Variants in DLG2 observed in about 807,000 individuals in gnomAD.
DLG2 encodes disks large homolog 2.
Under a neutral mutation model 132.5 loss-of-function variants are expected in DLG2, and 45 were observed. The observed-to-expected ratio is 0.34, with a 90% CI of 0.27 to 0.44. The LOEUF (loss-of-function observed/expected upper bound fraction) is 0.44, where lower values mean the gene tolerates loss of function less well. Ranked by LOEUF, DLG2 falls within the 20% of genes least tolerant of loss-of-function variation. The pLI is 1.00. For synonymous variants in DLG2, 424 were observed against 419.6 expected (o/e 1.01, Z -0.13); for missense variants, 1,045 against 1,196.9 (o/e 0.87, Z 1.87).
chr11:84,945,031 T>C (rs1239301868), intron 6 of DLG2, among the ~76,000 whole-genome samples: 2 of 152,236 alleles, frequency 1.3e-5, no homozygotes, highest in Non-Finnish European at 2.9e-5. Flanking sequence ...GTGGGATTAC[T>C]CTCTGGTACC....
chr11:85,373,593 T>G (rs2085160762), intron 3 of DLG2, among the ~76,000 whole-genome samples: 1 of 152,188 alleles, frequency 6.6e-6, no homozygotes, highest in Non-Finnish European at 1.5e-5. Flanking sequence ...TCACGACATT[T>G]GCTTCAGGGA....
At chr11:84,142,934 C>CAT (rs145689413) in intron 9 of DLG2, among the ~76,000 whole-genome samples, 3,232 of 150,952 alleles carry the variant, frequency 0.021, 111 homozygotes, top group African/African-American at 0.072. Context: ...TAAATCCCCT[C>CAT]ATATATATAT....
chr11:84,367,091 G>A (rs2098687103), intron 7 of DLG2, among the ~76,000 whole-genome samples: 4 of 152,046 alleles, frequency 2.6e-5, no homozygotes, highest in Admixed American at 2.6e-4. Flanking sequence ...AAATGTAAAA[G>A]AATAGAAATT....
chr11:84,413,879 G>T (rs1567570043), intron 7 of DLG2, among the ~76,000 whole-genome samples: 2 of 152,082 alleles, frequency 1.3e-5, no homozygotes. Flanking sequence ...GACTCCTCCA[G>T]GAGGAAACTA....
chr11:83,997,499 C>A (rs2094105583), intron 11 of DLG2, among the ~76,000 whole-genome samples: 1 of 151,912 alleles, frequency 6.6e-6, no homozygotes, highest in Non-Finnish European at 1.5e-5. Context: ...TTTTGGGAGG[C>A]TGAGGTAGGC....
At chr11:85,369,844 G>T (rs541268556) in intron 3 of DLG2, among the ~76,000 whole-genome samples, 1 of 152,318 alleles carries the variant, frequency 6.6e-6, no homozygotes, top group East Asian at 1.9e-4. Flanking sequence ...GATTCATGTG[G>T]CCTAAAGAAA....
intron 3 of DLG2, among the ~76,000 whole-genome samples, chr11:85,335,501 A>T (rs1054884650): frequency 2.0e-5 from 3 of 152,188 alleles, no homozygotes; most frequent in Admixed American, 1.3e-4. Context: ...ATTGCTTTAT[A>T]GTCTCAATGG....
chr11:83,627,483 G>A (rs139454721), intron 19 of DLG2, among the ~76,000 whole-genome samples: 1,645 of 152,108 alleles, frequency 0.011, 38 homozygotes, highest in African/African-American at 0.034. Context: ...CTGTCCTTGC[G>A]ACAGTTTGCT....
At chr11:85,066,115 A>T (rs534606431) in intron 6 of DLG2, among the ~76,000 whole-genome samples, 88 of 151,814 alleles carry the variant, frequency 5.8e-4, no homozygotes, top group African/African-American at 2.0e-3. Context: ...GATAAAGGTG[A>T]CATCACAACT....
chr11:84,820,057 T>G (rs751885341), intron 6 of DLG2, among the ~76,000 whole-genome samples: 7 of 150,400 alleles, frequency 4.7e-5, no homozygotes, highest in Non-Finnish European at 1.0e-4. Context: ...GGGCCTCTTC[T>G]CATTGTGGAT....
At chr11:85,437,035 C>T (rs191879592) in intron 3 of DLG2, among the ~76,000 whole-genome samples, 1 of 152,124 alleles carries the variant, frequency 6.6e-6, no homozygotes, top group Non-Finnish European at 1.5e-5. Flanking sequence ...TCATTCTCAG[C>T]AAACTAACAC....
rs115378704 is a variant in DLG2 at position 84,901,867 on chromosome 11, A to G, written c.357+209794T>C. 5.3e-3 allele frequency among the ~76,000 whole-genome samples: 809 copies of G among 152,222 alleles called. 9 individuals carry two copies. Among genetic ancestry groups the G allele is most frequent in the African/African-American group, 0.019 (790 of 41,554 alleles). ...CCATTTCTATTGTACCACACAGTTTACTAAACATTTTCTTAGTGTTGAATT... is the reference window on the plus strand; with the variant it reads ...CCATTTCTATTGTACCACACAGTTTGCTAAACATTTTCTTAGTGTTGAATT... On this transcript the variant is annotated intron_variant, in intron 6 of 27. Transcript: ENST00000376104.
chr11:84,745,278 G>A (rs188742912), intron 6 of DLG2, among the ~76,000 whole-genome samples: 114 of 152,262 alleles, frequency 7.5e-4, no homozygotes, highest in African/African-American at 2.7e-3. Flanking sequence ...TCATGGGGAT[G>A]GTTTCTTATA....
chr11:83,969,879 G>A (rs1349274584), intron 12 of DLG2, among the ~76,000 whole-genome samples: 1 of 151,672 alleles, frequency 6.6e-6, no homozygotes, highest in Non-Finnish European at 1.5e-5. Flanking sequence ...GGCCGATAAT[G>A]AATATTTACA....
chr11:84,610,298 G>A (rs2099593080), intron 6 of DLG2, among the ~76,000 whole-genome samples: 1 of 151,848 alleles, frequency 6.6e-6, no homozygotes, highest in Non-Finnish European at 1.5e-5. Context: ...ATTCTGTAGT[G>A]AGCATATATT....
intron 18 of DLG2, chr11:83,725,061 A>G: frequency 1.7e-6 from 1 of 576,408 alleles, no homozygotes; most frequent in East Asian, 2.8e-5. Context: ...TGGCAGAGCT[A>G]GTTTGAGATG....
intron 2 of DLG2, among the ~76,000 whole-genome samples, chr11:85,611,635 C>T (rs2081005595): frequency 6.6e-6 from 1 of 152,218 alleles, no homozygotes; most frequent in African/African-American, 2.4e-5. Flanking sequence ...GAACTAGTGG[C>T]ACTTACCCGA....
chr11:84,195,376 G>A (rs745575636), intron 8 of DLG2, among the ~76,000 whole-genome samples: 11 of 152,150 alleles, frequency 7.2e-5, no homozygotes, highest in Non-Finnish European at 1.5e-4. Context: ...ATGTTGGCCA[G>A]GATGGTCTCA....
At chr11:84,661,013 G>C (rs911741910) in intron 6 of DLG2, among the ~76,000 whole-genome samples, 21 of 152,148 alleles carry the variant, frequency 1.4e-4, no homozygotes, top group African/African-American at 5.1e-4. Flanking sequence ...AATTCAAGCA[G>C]TGATGATTAA....
Sources: gnomAD v4.1 joint callset for allele counts (sites outside exome capture counted in the v4.1 genomes callset) on GRCh38, gnomAD v4.1.1 for gene constraint, MANE v1.5 for transcripts, NCBI Gene and HGNC (gene_info 2026-07-23, HGNC 2026-07-21) for gene names.